RBMS3: variants seen among roughly 807,000 people sequenced by gnomAD.
The protein encoded by RBMS3 is RNA-binding motif, single-stranded-interacting protein 3.
In RBMS3, 27 loss-of-function variants were observed where a neutral mutation model predicts 66.8. That is an observed-to-expected ratio of 0.40 (90% CI 0.30 to 0.56). The LOEUF is 0.56. Ranked by LOEUF, RBMS3 falls within the 20% of genes least tolerant of loss-of-function variation. The pLI, the probability that RBMS3 is intolerant of heterozygous loss-of-function variation, is 0.40. For synonymous variants in RBMS3, 188 were observed against 183.0 expected, an observed-to-expected ratio of 1.03 and a Z score of -0.22; for missense variants, 513 against 549.5, an observed-to-expected ratio of 0.93 and a Z score of 0.66.
chr3:29,821,731 G>A (rs1226523802), intron 6 of RBMS3, among the ~76,000 whole-genome samples: 1 of 152,134 alleles, frequency 6.6e-6, no homozygotes, highest in Non-Finnish European at 1.5e-5. Context: ...TATTTAAGAA[G>A]CCGAAATGTA....
intron 1 of RBMS3, among the ~76,000 whole-genome samples, chr3:29,380,035 A>G (rs1487019933): frequency 6.6e-6 from 1 of 152,186 alleles, no homozygotes; most frequent in Non-Finnish European, 1.5e-5. Flanking sequence ...GACATTTCTG[A>G]CAGGGGGAAA....
At chr3:29,853,423 C>CTTTTTTTTTTTTTTTTT (rs71091081) in intron 6 of RBMS3, among the ~76,000 whole-genome samples, 7 of 84,526 alleles carry the variant, frequency 8.3e-5, no homozygotes, top group African/African-American at 3.3e-4. Context: ...AATTTACTTT[C>CTTTTTTTTTTTTTTTTT]TTTTTTTTTT....
At position 29,462,690 on chromosome 3, in the gene RBMS3, G is replaced by A. The variant is rs145082391; in HGVS notation, c.249-25751G>A. On this transcript the variant is annotated intron_variant, in intron 2 of 14. Transcript: ENST00000383767. ...CAATAACAATAAAGCTATATTTGAT[G>A]TATGACAAATGTATATTCATAGATT... is the stretch of plus-strand genomic sequence containing the variant. 3.8e-3 allele frequency among the ~76,000 whole-genome samples: 572 copies of A among 152,234 alleles called. 15 individuals are homozygous for A. The highest frequency in any genetic ancestry group is 0.034 in the Admixed American group (525 of 15,284).
At chr3:29,495,204 T>C (rs538755100) in intron 3 of RBMS3, among the ~76,000 whole-genome samples, 1 of 151,844 alleles carries the variant, frequency 6.6e-6, no homozygotes, top group South Asian at 2.1e-4. Context: ...CCCATCTAGA[T>C]TGTCTCAGAG....
chr3:29,617,763 A>G (rs2048718788), intron 4 of RBMS3, among the ~76,000 whole-genome samples: 1 of 152,242 alleles, frequency 6.6e-6, no homozygotes, highest in African/African-American at 2.4e-5. Context: ...AAACTCTTCC[A>G]GCTCTAAAAT....
chr3:29,445,219 A>G (rs2125747260), intron 2 of RBMS3, among the ~76,000 whole-genome samples: 1 of 152,180 alleles, frequency 6.6e-6, no homozygotes, highest in East Asian at 1.9e-4. Context: ...GAGATACAGG[A>G]AACAGCATTT....
intron 3 of RBMS3, among the ~76,000 whole-genome samples, chr3:29,547,021 G>C (rs2045980022): frequency 6.6e-6 from 1 of 152,098 alleles, no homozygotes; most frequent in Non-Finnish European, 1.5e-5. Context: ...GGTCACCCAG[G>C]CTGGAGTGCA....
intron 1 of RBMS3, among the ~76,000 whole-genome samples, chr3:29,431,711 C>T (rs1300801667): frequency 6.6e-6 from 1 of 152,062 alleles, no homozygotes; most frequent in Non-Finnish European, 1.5e-5. Context: ...GCACAATTTT[C>T]TTTCTTTGTT....
intron 4 of RBMS3, among the ~76,000 whole-genome samples, chr3:29,710,906 T>A (rs960231698): frequency 6.6e-6 from 1 of 152,220 alleles, no homozygotes; most frequent in African/African-American, 2.4e-5. Flanking sequence ...CAGCCATTAC[T>A]ATACATGCCA....
intron 1 of RBMS3, among the ~76,000 whole-genome samples, chr3:29,409,602 G>A (rs1180131426): frequency 2.0e-5 from 3 of 152,236 alleles, no homozygotes; most frequent in Admixed American, 6.5e-5. Context: ...TCTCTTGGGA[G>A]CATCCCAGGA....
intron 1 of RBMS3, among the ~76,000 whole-genome samples, chr3:29,339,783 T>TAGTGGAAGATA (rs1412131241): frequency 6.6e-6 from 1 of 152,042 alleles, no homozygotes; most frequent in Non-Finnish European, 1.5e-5. Flanking sequence ...TTGAATGCAT[T>TAGTGGAAGATA]AGTGGAAGAT....
chr3:29,535,207 A>G (rs2045507673), intron 3 of RBMS3, among the ~76,000 whole-genome samples: 1 of 152,128 alleles, frequency 6.6e-6, no homozygotes, highest in South Asian at 2.1e-4. Context: ...AAGCAATAAA[A>G]CGTATCATCT....
chr3:29,351,662 A>T (rs1346841977), intron 1 of RBMS3, among the ~76,000 whole-genome samples: 2 of 151,842 alleles, frequency 1.3e-5, no homozygotes, highest in African/African-American at 4.8e-5. Flanking sequence ...TTCCCCAATT[A>T]GTTTTCTGCA....
intron 2 of RBMS3, among the ~76,000 whole-genome samples, chr3:29,478,076 A>T (rs1195053868): frequency 5.3e-5 from 8 of 151,994 alleles, no homozygotes; most frequent in Admixed American, 5.2e-4. Context: ...GCGCAAAGAC[A>T]ATTTGGAGGA....
At position 29,884,154 on chromosome 3, in the gene RBMS3, A is replaced by G; in HGVS notation, c.745-8A>G. ...ATTTGTTTTCTTCCCTCTTCATCCT[A>G]TATACAGGCTGGCATGGCTTTGACC... is the stretch of plus-strand genomic sequence containing the variant. On this transcript the variant is annotated splice_polypyrimidine_tract_variant and splice_region_variant and intron_variant, in intron 7 of 14. Coordinates refer to ENST00000383767, the MANE Select transcript of RBMS3 (RefSeq NM_001003793.3). 3.7e-6 allele frequency: 6 copies of G among 1,610,750 alleles called. No individual in the cohort carries two copies. The highest frequency in any genetic ancestry group is 5.1e-6 in the Non-Finnish European group (6 of 1,177,730).
chr3:29,838,355 A>G (rs1467519331), intron 6 of RBMS3, among the ~76,000 whole-genome samples: 2 of 152,120 alleles, frequency 1.3e-5, no homozygotes, highest in Admixed American at 1.3e-4. Context: ...AATAAAATAA[A>G]TAAATAAAAC....
chr3:29,508,079 A>C (rs1462898785), intron 3 of RBMS3, among the ~76,000 whole-genome samples: 3 of 152,168 alleles, frequency 2.0e-5, no homozygotes, highest in Non-Finnish European at 4.4e-5. Flanking sequence ...GATGTCAAGA[A>C]AGAGAAACTT....
intron 2 of RBMS3, among the ~76,000 whole-genome samples, chr3:29,445,684 C>T (rs2041805804): frequency 6.6e-6 from 1 of 151,954 alleles, no homozygotes; most frequent in South Asian, 2.1e-4. Context: ...TGAAAATTGG[C>T]AGTAGTATGG....
intron 6 of RBMS3, among the ~76,000 whole-genome samples, chr3:29,773,223 A>G (rs895445086): frequency 6.6e-6 from 1 of 152,014 alleles, no homozygotes; most frequent in Non-Finnish European, 1.5e-5. Context: ...TGAAACGGGG[A>G]TTGTCCTAAA....
Sources: gnomAD v4.1 joint callset for allele counts (sites outside exome capture counted in the v4.1 genomes callset) on GRCh38, gnomAD v4.1.1 for gene constraint, MANE v1.5 for transcripts, NCBI Gene and HGNC (gene_info 2026-07-23, HGNC 2026-07-21) for gene names.